MTFR2: variants seen among roughly 807,000 people sequenced by gnomAD.
The protein encoded by MTFR2 is mitochondrial fission regulator 2, also known as DUF729 domain-containing protein 1.
A neutral mutation model predicts 41.2 loss-of-function variants in MTFR2; 44 were observed. The observed-to-expected ratio is 1.07, with a 90% CI of 0.84 to 1.37. MTFR2 has a LOEUF of 1.37. Ranked by LOEUF, MTFR2 falls within the 40% of genes most tolerant of loss-of-function variation. MTFR2 has a pLI of 0.00. For synonymous variants in MTFR2, 141 were observed against 154.6 expected (o/e 0.91, Z 0.65); for missense variants, 452 against 459.5 (o/e 0.98, Z 0.15).
rs541833380 is a variant in MTFR2, at chr6:136,248,938, C to A, written c.63+99G>T. On this transcript the variant is annotated intron_variant, in intron 2 of 7. Transcript: ENST00000420702. ...CTTTGTTCCAACTAAAAAGAAGCAA[C>A]AACTTTGCCTTAAATCAAATGATTA... The A allele has an allele frequency of 4.2e-5, 44 of 1,047,034 alleles. 1 individual carries two copies. In the Middle Eastern group the frequency reaches 1.4e-3, roughly 34 times the overall value. The allele number at this position is 1,047,034 out of a possible 1,614,324, so 64.9% of individuals were successfully genotyped here.
At chr6:136,243,954 T>C (rs549158142) in intron 3 of MTFR2, among the ~76,000 whole-genome samples, 1 of 152,094 alleles carries the variant, frequency 6.6e-6, no homozygotes, top group South Asian at 2.1e-4. Context: ...ATTTTAAAAG[T>C]ATAAAAAATT....
intron 3 of MTFR2, among the ~76,000 whole-genome samples, chr6:136,243,187 T>G (rs746269879): frequency 9.9e-5 from 15 of 152,194 alleles, no homozygotes; most frequent in Non-Finnish European, 1.9e-4. Flanking sequence ...CTGGTTAATT[T>G]CATCTATCAC....
At chr6:136,241,422 C>G (rs950205019) in intron 5 of MTFR2, 22 bp downstream of exon 5, 1 of 1,588,282 alleles carries the variant, frequency 6.3e-7, no homozygotes, top group African/African-American at 1.3e-5. Context: ...CTAACTGAAA[C>G]AAAAATCCTA....
intron 2 of MTFR2, chr6:136,247,394 G>C (rs1398751353): frequency 5.1e-6 from 2 of 392,306 alleles, no homozygotes; most frequent in African/African-American, 4.3e-5. Context: ...CTTTCATTCT[G>C]TTCTTTAAGG....
rs940206360 is a variant in MTFR2, at chr6:136,231,126, T to G, written c.*149A>C. 4 of 579,726 alleles carry G rather than the reference T, an allele frequency of 6.9e-6. No individual in the cohort carries two copies. The highest frequency in any genetic ancestry group is 1.2e-5 in the Non-Finnish European group (4 of 326,604). The allele number at this position is 579,726 out of a possible 1,614,324, so 35.9% of individuals were successfully genotyped here. A position where few individuals can be genotyped will look rare whatever the true frequency, so the allele number is the denominator to read the frequency against. The stretch of plus-strand genomic sequence containing the variant: ...AGGAAACAAAAATGACAGGCATACA[T>G]ATTTACATAGCAAGTGTAGGCAAAA... On this transcript the variant is annotated 3_prime_UTR_variant, in exon 8 of 8. Coordinates refer to ENST00000420702, the MANE Select transcript of MTFR2 (RefSeq NM_001099286.3).
chr6:136,231,057 G>A lies in MTFR2; in HGVS notation c.*218C>T. The A allele has an allele frequency of 2.6e-6, 1 of 380,408 alleles. No homozygotes were observed. Among genetic ancestry groups the A allele is most frequent in the Non-Finnish European group, 4.7e-6 (1 of 213,816 alleles). 23.6% of individuals were successfully genotyped at this position (380,408 alleles called of 1,614,324 possible). A position where few individuals can be genotyped will look rare whatever the true frequency, so the allele number is the denominator to read the frequency against. On this transcript the variant is annotated 3_prime_UTR_variant, in exon 8 of 8. Coordinates refer to ENST00000420702, the MANE Select transcript of MTFR2 (RefSeq NM_001099286.3). ...AGTTCAAAAAGAATGTTTATTTTAA[G>A]CTCTATGTACAGAAGAACAGAGTAT...
chr6:136,231,723 G>A (rs950885296), intron 7 of MTFR2, among the ~76,000 whole-genome samples: 2 of 148,878 alleles, frequency 1.3e-5, no homozygotes, highest in South Asian at 2.1e-4. Flanking sequence ...GTAATTGGCT[G>A]GAAAAAGTGC....
At chr6:136,248,415 T>C (rs1780272237) in intron 2 of MTFR2, among the ~76,000 whole-genome samples, 1 of 152,170 alleles carries the variant, frequency 6.6e-6, no homozygotes, top group Non-Finnish European at 1.5e-5. Context: ...ACTATGCTCG[T>C]GGTAGTGAAT....
intron 5 of MTFR2, among the ~76,000 whole-genome samples, chr6:136,240,855 G>C (rs1158381342): frequency 6.6e-6 from 1 of 152,180 alleles, no homozygotes; most frequent in Admixed American, 6.5e-5. Context: ...ACTTTGGGAG[G>C]CCAAGGCGGG....
At chr6:136,247,360 A>G in intron 2 of MTFR2, 1 of 353,256 alleles carries the variant, frequency 2.8e-6, no homozygotes, top group Non-Finnish European at 5.5e-6. Context: ...AAAAAAAAAA[A>G]AAATCTCTTT....
chr6:136,238,382 G>A (rs1408710397), intron 6 of MTFR2, among the ~76,000 whole-genome samples: 2 of 152,184 alleles, frequency 1.3e-5, no homozygotes, highest in East Asian at 1.9e-4. Context: ...ACCGAGGCAG[G>A]AGGATCACTT....
rs190085569 is a variant in MTFR2, at chr6:136,242,861, C to T, written c.281G>A (p.Arg94Gln). The change falls in exon 4 of 8, where the codon CGA (arginine) becomes CAA (glutamine). Residue 94 changes from arginine (R) to glutamine (Q), a missense_variant and splice_region_variant. Physicochemically the swap from Arg to Gln is conservative, Grantham distance 43. Transcript: ENST00000420702. ...NDEEASYLRFRNSIWKNEEEK... is the reference protein window; with the variant it reads ...NDEEASYLRFQNSIWKNEEEK... ...TCCCAAGATAAGCATATAAAATTAC[C>T]GAAATCTGAGATAACTGGCTTCTTC... The T allele has an allele frequency of 3.6e-5, 58 of 1,607,380 alleles. No individual in the cohort carries two copies. The highest frequency in any genetic ancestry group is 4.7e-5 in the Non-Finnish European group (55 of 1,177,112).
chr6:136,234,973 G>A (rs567319432), intron 6 of MTFR2, among the ~76,000 whole-genome samples: 3 of 152,256 alleles, frequency 2.0e-5, no homozygotes, highest in Non-Finnish European at 2.9e-5. Flanking sequence ...TGCAACCTCC[G>A]CCTCCCGGGC....
intron 2 of MTFR2, among the ~76,000 whole-genome samples, chr6:136,245,329 G>T (rs9494493): frequency 0.15 from 23,043 of 152,042 alleles, 5,631 homozygotes; most frequent in African/African-American, 0.51. Flanking sequence ...ATAAAAAAGG[G>T]AATAAATAAA....
chr6:136,237,946 G>A (rs1382031469), intron 6 of MTFR2, among the ~76,000 whole-genome samples: 1 of 152,102 alleles, frequency 6.6e-6, no homozygotes, highest in Non-Finnish European at 1.5e-5. Context: ...GAAAAAAGGG[G>A]GCAAGAATGC....
intron 6 of MTFR2, among the ~76,000 whole-genome samples, chr6:136,238,167 A>G (rs1779956247): frequency 6.6e-6 from 1 of 152,268 alleles, no homozygotes; most frequent in Admixed American, 6.5e-5. Flanking sequence ...TTTACAATAG[A>G]CAAGACATGG....
chr6:136,240,896 C>T (rs908956477), intron 5 of MTFR2, among the ~76,000 whole-genome samples: 24 of 152,254 alleles, frequency 1.6e-4, no homozygotes, highest in Admixed American at 3.3e-4. Flanking sequence ...TCGAGACCAT[C>T]CTGGCTAACA....
intron 7 of MTFR2, among the ~76,000 whole-genome samples, chr6:136,231,669 TA>T (rs71006791): frequency 0.24 from 19,577 of 82,920 alleles, 1,642 homozygotes; most frequent in South Asian, 0.27. Flanking sequence ...AAAAACTATG[TA>T]AAAAAAAAAA....
At chr6:136,237,059 C>T (rs1457132927) in intron 6 of MTFR2, among the ~76,000 whole-genome samples, 1 of 152,218 alleles carries the variant, frequency 6.6e-6, no homozygotes, top group Non-Finnish European at 1.5e-5. Context: ...TCTTGCTCCT[C>T]TTTCCCCACT....
Sources: allele counts gnomAD v4.1 joint callset (sites outside exome capture counted in the v4.1 genomes callset), GRCh38; gene constraint gnomAD v4.1.1; transcripts MANE v1.5; gene names NCBI Gene and HGNC (gene_info 2026-07-23, HGNC 2026-07-21).